Variants in UTP14A observed in about 807,000 individuals in gnomAD.
UTP14A encodes UTP14A small subunit processome component, also known as U3 small nucleolar RNA-associated protein 14 homolog A.
In UTP14A, 5 loss-of-function variants were observed where a neutral mutation model predicts 57.2. The ratio of observed to expected loss-of-function variants is 0.09; its 90% CI spans 0.05 to 0.18. The LOEUF is 0.18. Among genes scored for constraint, UTP14A ranks in the 10% least tolerant of loss-of-function variants. UTP14A has a pLI of 1.00. For missense variants in UTP14A, 430 were observed against 562.1 expected, an observed-to-expected ratio of 0.76 and a Z score of 2.38; for synonymous variants, 169 against 210.9, an observed-to-expected ratio of 0.80 and a Z score of 1.72.
At position 129,908,391 on chromosome X, in the gene UTP14A, C is replaced by T. The variant is rs1470221257; in HGVS notation, c.173+261C>T. 7.4e-6 allele frequency: 3 copies of T among 407,879 alleles called. No homozygotes were observed. In the East Asian group the frequency reaches 1.2e-4, roughly 16 times the overall value. The allele number at this position is 407,879 out of a possible 1,213,427, so 33.6% of individuals were successfully genotyped here. A position where few individuals can be genotyped will look rare whatever the true frequency, so the allele number is the denominator to read the frequency against. ...TTAGAGAAATAAATTTACTTACCCCCAAGGTCACCTGGCTCATAAGTTACA... is the reference window on the plus strand; with the variant it reads ...TTAGAGAAATAAATTTACTTACCCCTAAGGTCACCTGGCTCATAAGTTACA... On this transcript the variant is annotated intron_variant, in intron 3 of 14. Coordinates refer to ENST00000394422, the MANE Select transcript of UTP14A (RefSeq NM_006649.4).
chrX:129,928,423 T>C (rs1466097793), intron 14 of UTP14A, among the ~76,000 whole-genome samples: 1 of 83,993 alleles, frequency 1.2e-5, no homozygotes, highest in African/African-American at 4.5e-5. Flanking sequence ...TGAAACTAAG[T>C]GTAACGGCCT....
chrX:129,918,851 T>C (rs1466642643), intron 6 of UTP14A, among the ~76,000 whole-genome samples: 2 of 108,801 alleles, frequency 1.8e-5, no homozygotes, highest in Admixed American at 2.0e-4. Flanking sequence ...CACTTCAGCC[T>C]GGGCGACAGA....
At position 129,920,671 on chromosome X, in the gene UTP14A, C is replaced by A. The variant is rs1929877479; in HGVS notation, c.877-4C>A. On this transcript the variant is annotated splice_region_variant and splice_polypyrimidine_tract_variant and intron_variant, in intron 9 of 14. Transcript: ENST00000394422. Reference sequence around the variant, plus strand: ...GTAAATCTCACTCTGTCCTTTCTTTCTAGGAAAGAATGAGCCTTAAGCACC... The same window carrying A: ...GTAAATCTCACTCTGTCCTTTCTTTATAGGAAAGAATGAGCCTTAAGCACC... 1.8e-6 allele frequency: 2 copies of A among 1,135,747 alleles called. No individual in the cohort carries two copies. The highest frequency in any genetic ancestry group is 4.9e-5 in the Admixed American group (2 of 40,856). 93.6% of individuals were successfully genotyped at this position (1,135,747 alleles called of 1,213,427 possible).
Position 129,929,521 on chromosome X carries a change from A to G in UTP14A, c.2229A>G (p.Ser743=). Residue 743 remains serine (S), a synonymous_variant, in exon 15 of 15, where the codon TCA becomes TCG. Coordinates refer to ENST00000394422, the MANE Select transcript of UTP14A (RefSeq NM_006649.4). ...AAGACGTGGGCTACCGGTCTTCCTC[A>G]AGGTCGGACCTGTCTGTCATACAGA... ...KAEDVGYRSS[S]RSDLSVIQRN... 8.3e-7 allele frequency: 1 copy of G among 1,211,674 alleles called. No individual in the cohort carries two copies. The highest frequency in any genetic ancestry group is 1.8e-5 in the South Asian group (1 of 56,985).
In UTP14A at chrX:129,908,726, G is replaced by A. The variant is rs746876722; in HGVS notation, c.230G>A (p.Ser77Asn). The A allele has an allele frequency of 8.3e-6, 10 of 1,208,827 alleles. No individual in the cohort carries two copies. The Admixed American group carries it at 2.2e-4, about 26-fold the overall frequency. Residue 77 changes from serine to asparagine, a missense_variant, in exon 4 of 15, where the codon AGT (serine) becomes AAT (asparagine). Physicochemically the swap from Ser to Asn is conservative, Grantham distance 46. Transcript: ENST00000394422. Reference sequence around the variant, plus strand: ...CTGAAGGTGTCAGAGTTCAATGTCAGTTCTGAAGGTAAGTTGAACAAAGGA... The same window carrying A: ...CTGAAGGTGTCAGAGTTCAATGTCAATTCTGAAGGTAAGTTGAACAAAGGA... ...ASLKVSEFNVSSEGSGEKLVL... is the reference protein window; with the variant it reads ...ASLKVSEFNVNSEGSGEKLVL...
At chrX:129,927,998 C>T (rs941293538) in intron 14 of UTP14A, among the ~76,000 whole-genome samples, 10 of 110,963 alleles carry the variant, frequency 9.0e-5, no homozygotes, top group Non-Finnish European at 1.7e-4. Context: ...TCACTTCCCC[C>T]CTCTAAGCCA....
intron 6 of UTP14A, among the ~76,000 whole-genome samples, chrX:129,914,584 G>A (rs1480307128): frequency 1.8e-5 from 2 of 108,357 alleles, no homozygotes; most frequent in Non-Finnish European, 3.8e-5. Flanking sequence ...CTCTTTCCCC[G>A]CCCTCCCCCA....
At chrX:129,928,428 C>T (rs1211534311) in intron 14 of UTP14A, among the ~76,000 whole-genome samples, 1 of 94,447 alleles carries the variant, frequency 1.1e-5, no homozygotes, top group African/African-American at 3.9e-5. Flanking sequence ...CTAAGTGTAA[C>T]GGCCTGGTAG....
chrX:129,928,415 AAACT>A (rs1386525478), intron 14 of UTP14A, among the ~76,000 whole-genome samples: 1 of 99,521 alleles, frequency 1.0e-5, no homozygotes, highest in Non-Finnish European at 2.0e-5. Context: ...AAAAAAGATG[AAACT>A]AAGTGTAACG....
rs753147882 is a variant in UTP14A at position 129,909,206 on chromosome X, C to CTTTTTT, written c.238+488_238+493dup. Among the ~76,000 whole-genome samples, 75 of 84,398 alleles carry CTTTTTT rather than the reference C, an allele frequency of 8.9e-4. 1 individual carries two copies. Among genetic ancestry groups the CTTTTTT allele is most frequent in the African/African-American group, 3.2e-3 (71 of 22,114 alleles). 73.3% of individuals were successfully genotyped at this position (84,398 alleles called of 115,157 possible). ...CTCCCCTGAGAGGAGCCTTTCAAGCCTTTTTTTTTTTTTTTTTTTTTGAGA... is the reference window on the plus strand; with the variant it reads ...CTCCCCTGAGAGGAGCCTTTCAAGCCTTTTTTTTTTTTTTTTTTTTTTTTTTTGAGA... On this transcript the variant is annotated intron_variant, in intron 4 of 14. Coordinates refer to ENST00000394422, the MANE Select transcript of UTP14A (RefSeq NM_006649.4).
chrX:129,907,532 T>A, intron 2 of UTP14A, 90 bp downstream of exon 2: 1 of 784,998 alleles, frequency 1.3e-6, no homozygotes, highest in Non-Finnish European at 1.8e-6. Context: ...ATGTATTTGT[T>A]CAGGTCTCTC....
At chrX:129,910,819 G>T (rs778600166) in intron 4 of UTP14A, among the ~76,000 whole-genome samples, 189 bp from the exon 5 acceptor site, 1 of 112,807 alleles carries the variant, frequency 8.9e-6, no homozygotes, top group Non-Finnish European at 1.9e-5. Context: ...CCCCTAACAC[G>T]TTTGGGGATG....
chrX:129,924,283 C>CTTTT (rs556719731), intron 11 of UTP14A, among the ~76,000 whole-genome samples: 5 of 82,541 alleles, frequency 6.1e-5, no homozygotes, highest in Admixed American at 1.4e-4. Context: ...TCACATGCTA[C>CTTTT]TTTTTTTTTT....
At chrX:129,908,574 C>T (rs1929340645) in intron 3 of UTP14A, 96 bp from the exon 4 acceptor site, 1 of 845,950 alleles carries the variant, frequency 1.2e-6, no homozygotes, top group Non-Finnish European at 1.8e-6. Flanking sequence ...TACAAGAAAC[C>T]AAAGCCCTGT....
chrX:129,906,499 A>G (rs1018885149), intron 1 of UTP14A, among the ~76,000 whole-genome samples: 7 of 110,930 alleles, frequency 6.3e-5, no homozygotes, highest in Non-Finnish European at 1.1e-4. Context: ...TGTGTTTCAC[A>G]TTTTTCGTCA....
intron 6 of UTP14A, among the ~76,000 whole-genome samples, chrX:129,918,607 G>C (rs1368600436): frequency 9.0e-6 from 1 of 110,905 alleles, no homozygotes; most frequent in African/African-American, 3.3e-5. Context: ...GGCCGGCGCG[G>C]TGGCTCACGC....
intron 14 of UTP14A, 150 bp downstream of exon 14, chrX:129,926,489 T>C (rs1188713109): frequency 3.8e-6 from 2 of 531,652 alleles, no homozygotes; most frequent in East Asian, 7.2e-5. Context: ...GCTGTTAGAT[T>C]TATCATTTCA....
chrX:129,914,676 G>C (rs776156307), intron 6 of UTP14A, among the ~76,000 whole-genome samples: 1 of 112,313 alleles, frequency 8.9e-6, no homozygotes, highest in Non-Finnish European at 1.9e-5. Context: ...AAATAATTAA[G>C]TGGGATAATG....
intron 11 of UTP14A, 45 bp from the exon 12 acceptor site, chrX:129,924,750 G>C: frequency 8.5e-7 from 1 of 1,178,214 alleles, no homozygotes; most frequent in South Asian, 2.0e-5. Context: ...ACCAGACAAC[G>C]TACAAACCTC....
Sources: allele counts gnomAD v4.1 joint callset (sites outside exome capture counted in the v4.1 genomes callset), GRCh38; gene constraint gnomAD v4.1.1; transcripts MANE v1.5; gene names NCBI Gene and HGNC (gene_info 2026-07-23, HGNC 2026-07-21).